Variants in HLCS observed in about 807,000 individuals in gnomAD.
The protein encoded by HLCS is holocarboxylase synthetase.
A neutral mutation model predicts 75.0 loss-of-function variants in HLCS; 53 were observed. That is an observed-to-expected ratio of 0.71 (90% CI 0.57 to 0.89). The LOEUF is 0.89. Ranked by LOEUF, HLCS falls within the 40% of genes least tolerant of loss-of-function variation. The pLI is 0.00. For missense variants in HLCS, 966 were observed against 1,074.0 expected, an observed-to-expected ratio of 0.90 and a Z score of 1.41; for synonymous variants, 431 against 428.6, an observed-to-expected ratio of 1.01 and a Z score of -0.07.
chr21:36,901,787 C>A (rs1000631473), intron 5 of HLCS, among the ~76,000 whole-genome samples: 1 of 152,234 alleles, frequency 6.6e-6, no homozygotes, highest in African/African-American at 2.4e-5. Context: ...TTGATTACAT[C>A]TGCAAAGACC....
At chr21:36,938,323 G>C (rs989973986) in intron 3 of HLCS, among the ~76,000 whole-genome samples, 1 of 152,118 alleles carries the variant, frequency 6.6e-6, no homozygotes, top group African/African-American at 2.4e-5. Flanking sequence ...TCTTGTTTAA[G>C]AAATTTAATA....
chr21:36,808,770 T>C (rs1022385655), intron 6 of HLCS, among the ~76,000 whole-genome samples: 1 of 152,254 alleles, frequency 6.6e-6, no homozygotes, highest in African/African-American at 2.4e-5. Flanking sequence ...AGGACCTGAG[T>C]TCCCAACTGG....
intron 4 of HLCS, among the ~76,000 whole-genome samples, chr21:36,933,348 G>A (rs1269418009): frequency 4.0e-5 from 6 of 151,804 alleles, no homozygotes; most frequent in African/African-American, 9.7e-5. Flanking sequence ...TCAGGAGTTC[G>A]AAACCAGCCT....
chr21:36,946,317 T>C (rs1043641893), intron 2 of HLCS, among the ~76,000 whole-genome samples: 1 of 152,056 alleles, frequency 6.6e-6, no homozygotes, highest in African/African-American at 2.4e-5. Flanking sequence ...TCATGGCTCA[T>C]TGCAGCCTCG....
intron 6 of HLCS, among the ~76,000 whole-genome samples, chr21:36,808,483 T>C (rs1317824820): frequency 2.0e-5 from 3 of 152,250 alleles, no homozygotes; most frequent in African/African-American, 4.8e-5. Context: ...GTTAGAAATA[T>C]AAGTTTTCAC....
intron 10 of HLCS, among the ~76,000 whole-genome samples, chr21:36,755,279 T>C (rs1189413004): frequency 6.6e-6 from 1 of 151,946 alleles, no homozygotes; most frequent in Admixed American, 6.6e-5. Context: ...CACACTCCTA[T>C]TGTCTCAGCT....
At chr21:36,982,490 G>A (rs1893656) in intron 1 of HLCS, among the ~76,000 whole-genome samples, 152,094 of 152,358 alleles carry the variant, frequency 1, 75,926 homozygotes, top group Middle Eastern at 1. Flanking sequence ...TTTTTGACTC[G>A]GTATTTTTCA....
chr21:36,965,567 C>T (rs2068523316), intron 1 of HLCS, among the ~76,000 whole-genome samples: 1 of 152,144 alleles, frequency 6.6e-6, no homozygotes, highest in South Asian at 2.1e-4. Flanking sequence ...CAAAGGCTGA[C>T]TGTCAACTGA....
intron 6 of HLCS, among the ~76,000 whole-genome samples, chr21:36,855,662 T>C (rs1256762951): frequency 6.6e-6 from 1 of 151,990 alleles, no homozygotes; most frequent in African/African-American, 2.4e-5. Context: ...CTGCAACCTC[T>C]GCCTCCCAGG....
rs553618167 is a variant in HLCS at position 36,866,497 on chromosome 21, T to A, written c.1892+30363A>T. Among the ~76,000 whole-genome samples the A allele has an allele frequency of 8.5e-5, 13 of 152,322 alleles. No homozygotes were observed. In the East Asian group the frequency reaches 2.3e-3, roughly 27 times the overall value. On this transcript the variant is annotated intron_variant, in intron 6 of 10. Transcript: ENST00000674895. ...GCAAGTTCAAACTTAAAATCGTGCA[T>A]CTGACTAGATATAAGCTGTTGCGAG... is the stretch of plus-strand genomic sequence containing the variant.
intron 5 of HLCS, among the ~76,000 whole-genome samples, chr21:36,916,767 T>C (rs977131973): frequency 1.3e-5 from 2 of 152,130 alleles, no homozygotes; most frequent in Admixed American, 6.5e-5. Context: ...CCCTCAACCC[T>C]GTAGGGTGAT....
intron 1 of HLCS, among the ~76,000 whole-genome samples, chr21:36,989,856 C>T (rs75679192): frequency 0.012 from 1,874 of 152,224 alleles, 49 homozygotes; most frequent in African/African-American, 0.042. Flanking sequence ...CGCGTCGCCG[C>T]GCGTGCGCAC....
chr21:36,791,740 A>T (rs1198357715), intron 6 of HLCS, among the ~76,000 whole-genome samples: 1 of 152,042 alleles, frequency 6.6e-6, no homozygotes. Context: ...AGCGGGTGCC[A>T]CGGGGCTGCA....
At chr21:36,966,702 C>T, upstream of HLCS, 1 of 851,018 alleles carries the variant, frequency 1.2e-6, no homozygotes. Flanking sequence ...GGCCCGGCCC[C>T]GCCCCGGCCG....
intron 5 of HLCS, among the ~76,000 whole-genome samples, chr21:36,899,018 G>A (rs1019091358): frequency 9.9e-5 from 15 of 151,902 alleles, no homozygotes; most frequent in Admixed American, 2.6e-4. Flanking sequence ...CCAAGATGGC[G>A]CCACTGCACT....
intron 5 of HLCS, 126 bp downstream of exon 5, chr21:36,930,125 A>C: frequency 2.1e-5 from 19 of 897,914 alleles, no homozygotes; most frequent in Non-Finnish European, 2.9e-5. Flanking sequence ...GATGATTTCC[A>C]AACCCGAAGT....
intron 6 of HLCS, among the ~76,000 whole-genome samples, chr21:36,771,755 T>C (rs901797177): frequency 6.6e-6 from 1 of 152,094 alleles, no homozygotes. Context: ...TCCCAGCACT[T>C]TGGGAGGCCG....
At chr21:36,958,463 T>C (rs541617047) in intron 2 of HLCS, among the ~76,000 whole-genome samples, 6 of 152,242 alleles carry the variant, frequency 3.9e-5, no homozygotes, top group East Asian at 3.9e-4. Context: ...AAGCATTGGT[T>C]AAAATCTTAT....
chr21:36,772,710 C>T (rs1004518400), intron 6 of HLCS, among the ~76,000 whole-genome samples: 5 of 150,354 alleles, frequency 3.3e-5, no homozygotes, highest in Non-Finnish European at 7.4e-5. Flanking sequence ...AGAGGCCGGG[C>T]GTGTTGGTTC....
Sources: allele counts gnomAD v4.1 joint callset (sites outside exome capture counted in the v4.1 genomes callset), GRCh38; gene constraint gnomAD v4.1.1; transcripts MANE v1.5; gene names NCBI Gene and HGNC (gene_info 2026-07-23, HGNC 2026-07-21).